The following DGKG variants were observed in gnomAD, a reference collection of about 807,000 sequenced individuals.
DGKG encodes the protein diacylglycerol kinase gamma.
Under a neutral mutation model 105.3 loss-of-function variants are expected in DGKG, and 78 were observed. The ratio of observed to expected loss-of-function variants is 0.74; its 90% CI spans 0.62 to 0.89. The LOEUF (loss-of-function observed/expected upper bound fraction) is 0.89. DGKG is among the 40% of genes least tolerant of loss of function. The pLI, the probability that DGKG is intolerant of heterozygous loss-of-function variation, is 0.00. For missense variants in DGKG, 958 were observed against 1,020.1 expected (o/e 0.94, Z 0.83); for synonymous variants, 346 against 367.1 (o/e 0.94, Z 0.66).
chr3:186,328,828 C>G (rs1406089474), intron 1 of DGKG, among the ~76,000 whole-genome samples: 1 of 152,172 alleles, frequency 6.6e-6, no homozygotes, highest in East Asian at 1.9e-4. Flanking sequence ...ATCTGCCTGC[C>G]TCAGCCTCCC....
intron 3 of DGKG, among the ~76,000 whole-genome samples, chr3:186,305,319 G>C (rs1639354885): frequency 6.6e-6 from 1 of 152,172 alleles, no homozygotes; most frequent in Non-Finnish European, 1.5e-5. Context: ...TGGACAATGT[G>C]ATGTGCTGAG....
At chr3:186,259,589 C>T (rs988908260) in intron 16 of DGKG, among the ~76,000 whole-genome samples, 3 of 152,188 alleles carry the variant, frequency 2.0e-5, no homozygotes, top group Non-Finnish European at 4.4e-5. Flanking sequence ...ACTCCAACCT[C>T]TCTGAGGGGT....
At chr3:186,239,480 T>C (rs1287226392) in intron 20 of DGKG, among the ~76,000 whole-genome samples, 1 of 152,232 alleles carries the variant, frequency 6.6e-6, no homozygotes, top group Non-Finnish European at 1.5e-5. Context: ...AACAACCACC[T>C]GCCTATTTAA....
At chr3:186,316,442 C>T (rs1413432710) in intron 2 of DGKG, among the ~76,000 whole-genome samples, 1 of 152,162 alleles carries the variant, frequency 6.6e-6, no homozygotes, top group African/African-American at 2.4e-5. Context: ...TATATTTATA[C>T]ATAAACATGC....
rs1228260916 is a variant in DGKG at position 186,150,158 on chromosome 3, T to C, written c.2308A>G (p.Met770Val). The change falls in exon 25 of 25, where the codon ATG becomes GTG. Residue 770 changes from methionine to valine, a missense_variant. Around this residue, in one of 2 missense-constraint regions of DGKG, gnomAD observed 315 missense variants for 400.6 expected, o/e 0.79. Coordinates refer to ENST00000265022, the MANE Select transcript of DGKG (RefSeq NM_001346.3). ...CTCTTCTGGGGAGGCCCCATCATCA[T>C]GGGCGCTTGGTTCTTGTGAGTAATT... ...IKITHKNQAP[M>V]MMGPPQKSSF... 3.1e-6 allele frequency: 5 copies of C among 1,613,426 alleles called. No homozygotes were observed. Among genetic ancestry groups the C allele is most frequent in the Non-Finnish European group, 4.2e-6 (5 of 1,179,712 alleles).
chr3:186,214,617 CAG>C (rs1719189151), intron 20 of DGKG, among the ~76,000 whole-genome samples: 1 of 151,984 alleles, frequency 6.6e-6, no homozygotes, highest in Non-Finnish European at 1.5e-5. Context: ...TAGATTTTTC[CAG>C]AGTCATACCA....
chr3:186,183,407 G>A (rs1229154119), intron 22 of DGKG, among the ~76,000 whole-genome samples: 1 of 152,070 alleles, frequency 6.6e-6, no homozygotes, highest in Non-Finnish European at 1.5e-5. Context: ...AAATGAAATA[G>A]AAATACAAGA....
intron 24 of DGKG, among the ~76,000 whole-genome samples, chr3:186,151,212 A>T (rs1715743112): frequency 6.6e-6 from 1 of 152,260 alleles, no homozygotes; most frequent in Admixed American, 6.5e-5. Flanking sequence ...AAACTGTAAA[A>T]TGGAAAGTAA....
intron 5 of DGKG, among the ~76,000 whole-genome samples, chr3:186,290,434 AGT>A (rs1723262766): frequency 6.6e-6 from 1 of 152,356 alleles, no homozygotes; most frequent in Non-Finnish European, 1.5e-5. Flanking sequence ...AAACTCTATC[AGT>A]GACTTCTACC....
chr3:186,308,750 C>T (rs1724377451), intron 2 of DGKG, among the ~76,000 whole-genome samples: 1 of 152,180 alleles, frequency 6.6e-6, no homozygotes, highest in African/African-American at 2.4e-5. Context: ...ATTTGGGCTG[C>T]TTCCATTCAA....
rs1716253264 is a variant in DGKG, at chr3:186,160,745, GT to G, written c.2277+857del. On this transcript the variant is annotated intron_variant, in intron 24 of 24. Coordinates refer to ENST00000265022, the MANE Select transcript of DGKG (RefSeq NM_001346.3). ...CAATCTTATTGAGGGTATTACGCAT[GT>G]AGTATCCCAGCAGAGGCCCTGAAAA... 7.1e-6 allele frequency: 7 copies of G among 985,432 alleles called. No individual in the cohort carries two copies. In the East Asian group the frequency reaches 5.7e-4, roughly 80 times the overall value. 61.0% of individuals were successfully genotyped at this position (985,432 alleles called of 1,614,324 possible). A position where few individuals can be genotyped will look rare whatever the true frequency, so the allele number is the denominator to read the frequency against.
At chr3:186,192,776 G>T (rs1406990083) in intron 21 of DGKG, among the ~76,000 whole-genome samples, 2 of 152,134 alleles carry the variant, frequency 1.3e-5, no homozygotes, top group African/African-American at 4.8e-5. Flanking sequence ...TCCCACTACT[G>T]CTCTATCTTA....
chr3:186,234,675 G>T (rs572078553), intron 20 of DGKG, among the ~76,000 whole-genome samples: 2 of 152,298 alleles, frequency 1.3e-5, no homozygotes, highest in Non-Finnish European at 2.9e-5. Context: ...AGAAAGAAAC[G>T]GTTCTGGCCA....
Position 186,269,030 on chromosome 3 carries a change from T to A in DGKG, c.1000-113A>T, listed in dbSNP as rs1436108776. The A allele has an allele frequency of 2.8e-5, 20 of 712,500 alleles. No individual in the cohort carries two copies. In the East Asian group the frequency reaches 5.4e-4, roughly 19 times the overall value. 44.1% of individuals were successfully genotyped at this position (712,500 alleles called of 1,614,324 possible). A position where few individuals can be genotyped will look rare whatever the true frequency, so the allele number is the denominator to read the frequency against. On this transcript the variant is annotated intron_variant, in intron 11 of 24. Coordinates refer to ENST00000265022, the MANE Select transcript of DGKG (RefSeq NM_001346.3). ...ACGCGGGGGAGCCAGAGGGACTGTTTCCTATTTAGAGGATGCTTATTGGAT... is the reference window on the plus strand; with the variant it reads ...ACGCGGGGGAGCCAGAGGGACTGTTACCTATTTAGAGGATGCTTATTGGAT...
intron 1 of DGKG, among the ~76,000 whole-genome samples, chr3:186,345,492 G>A (rs758259218): frequency 6.6e-6 from 1 of 152,082 alleles, no homozygotes; most frequent in African/African-American, 2.4e-5. Flanking sequence ...GCTGCATAGA[G>A]TTTGTTTTCT....
At chr3:186,280,869 A>T in intron 7 of DGKG, 125 bp from the exon 8 acceptor site, 4 of 706,708 alleles carry the variant, frequency 5.7e-6, no homozygotes, top group Non-Finnish European at 9.8e-6. Flanking sequence ...AAGCTGGTGC[A>T]GTAACTGCCA....
chr3:186,258,232 GT>G (rs1721579593), intron 16 of DGKG, among the ~76,000 whole-genome samples: 1 of 152,226 alleles, frequency 6.6e-6, no homozygotes, highest in African/African-American at 2.4e-5. Context: ...GGAGTCCAGA[GT>G]TTTGGCGTCA....
intron 24 of DGKG, chr3:186,159,290 T>A (rs1716177897): frequency 6.6e-6 from 1 of 152,120 alleles, no homozygotes; most frequent in Admixed American, 6.5e-5. Context: ...CTATTTTTAG[T>A]TTCGCTAGTG....
intron 1 of DGKG, among the ~76,000 whole-genome samples, chr3:186,350,258 C>A (rs1352616539): frequency 6.6e-6 from 1 of 152,182 alleles, no homozygotes; most frequent in Non-Finnish European, 1.5e-5. Flanking sequence ...TCTTTCCCAC[C>A]ACCACACCCT....
Sources: gnomAD v4.1 joint callset for allele counts (sites outside exome capture counted in the v4.1 genomes callset) on GRCh38, gnomAD v4.1.1 for gene constraint, gnomAD v4.1.1 regional missense constraint, MANE v1.5 for transcripts, NCBI Gene and HGNC (gene_info 2026-07-23, HGNC 2026-07-21) for gene names.